The following NDUFA10 variants were observed in gnomAD, a reference collection of about 807,000 sequenced individuals.
The protein encoded by NDUFA10 is NADH:ubiquinone oxidoreductase subunit A10.
In NDUFA10, 40 loss-of-function variants were observed where a neutral mutation model predicts 47.8. The ratio of observed to expected loss-of-function variants is 0.84; its 90% CI spans 0.65 to 1.09. The LOEUF (loss-of-function observed/expected upper bound fraction) is 1.09. Ranked by LOEUF, NDUFA10 falls within the 50% of genes least tolerant of loss-of-function variation. The pLI is 0.00. For missense variants in NDUFA10, 413 were observed against 451.1 expected (o/e 0.92, Z 0.76); for synonymous variants, 183 against 172.2 (o/e 1.06, Z -0.49).
chr2:239,899,448 T>A (rs1693497743), intron 4 of NDUFA10, among the ~76,000 whole-genome samples: 1 of 130,136 alleles, frequency 7.7e-6, no homozygotes, highest in South Asian at 2.6e-4. Flanking sequence ...TGTGGAGGGT[T>A]GTGATGGAGG....
rs754574734 is a variant in NDUFA10, at chr2:239,915,953, CAGAG to C, written c.295-20643_295-20640del. On this transcript the variant is annotated intron_variant, in intron 4 of 5. Transcript: ENST00000419408. The stretch of plus-strand genomic sequence containing the variant: ...ACACAGACAGACACAGAGAGACACA[CAGAG>C]ATACATGGACATACACACACACACA... Among the ~76,000 whole-genome samples the C allele has an allele frequency of 7.0e-3, 900 of 128,508 alleles. 8 individuals are homozygous for C. Among genetic ancestry groups the C allele is most frequent in the Non-Finnish European group, 0.01 (659 of 62,980 alleles). The allele number at this position is 128,508 out of a possible 152,430, so 84.3% of individuals were successfully genotyped here.
chr2:239,997,079 T>C (rs1293443615), intron 8 of NDUFA10, among the ~76,000 whole-genome samples: 1 of 152,092 alleles, frequency 6.6e-6, no homozygotes, highest in Non-Finnish European at 1.5e-5. Flanking sequence ...TTTTATTGGC[T>C]TTTTTCCCAA....
intron 4 of NDUFA10, among the ~76,000 whole-genome samples, chr2:239,907,713 G>T (rs1693680762): frequency 6.6e-6 from 1 of 152,198 alleles, no homozygotes; most frequent in Non-Finnish European, 1.5e-5. Context: ...TCTCACACCA[G>T]TTAGAATGGT....
chr2:239,937,821 G>T (rs1041579202), intron 4 of NDUFA10, among the ~76,000 whole-genome samples: 1 of 152,106 alleles, frequency 6.6e-6, no homozygotes, highest in Non-Finnish European at 1.5e-5. Flanking sequence ...CCTTGTCAAC[G>T]TTGGTTACCA....
intron 1 of NDUFA10, 77 bp from the exon 2 acceptor site, chr2:240,022,417 A>G: frequency 6.3e-7 from 1 of 1,596,400 alleles, no homozygotes; most frequent in Non-Finnish European, 8.5e-7. Context: ...ATTAGGTAAA[A>G]ATACCAAGAA....
chr2:239,896,973 G>A (rs1356919898), intron 4 of NDUFA10, among the ~76,000 whole-genome samples: 1 of 152,190 alleles, frequency 6.6e-6, no homozygotes, highest in Non-Finnish European at 1.5e-5. Flanking sequence ...ATGTATGTGT[G>A]TATGTGTGTG....
chr2:239,941,075 T>C (rs551394987), intron 4 of NDUFA10, among the ~76,000 whole-genome samples: 2 of 152,100 alleles, frequency 1.3e-5, no homozygotes, highest in East Asian at 3.9e-4. Flanking sequence ...GCAAGGTCAC[T>C]ACAAGGTGCA....
intron 9 of NDUFA10, among the ~76,000 whole-genome samples, chr2:239,965,457 G>C (rs986299970): frequency 6.6e-6 from 1 of 152,166 alleles, no homozygotes; most frequent in African/African-American, 2.4e-5. Flanking sequence ...GAGAAAACGC[G>C]CATGATAACG....
intron 3 of NDUFA10, among the ~76,000 whole-genome samples, chr2:240,020,493 T>C (rs1697575917): frequency 6.6e-6 from 1 of 152,192 alleles, no homozygotes; most frequent in Non-Finnish European, 1.5e-5. Flanking sequence ...CCCAGAATGA[T>C]TACAGTAACC....
At chr2:239,932,129 C>T (rs1049204886) in intron 4 of NDUFA10, among the ~76,000 whole-genome samples, 2 of 151,572 alleles carry the variant, frequency 1.3e-5, no homozygotes, top group Non-Finnish European at 2.9e-5. Context: ...CCACCGCGCC[C>T]GGCCTGCACC....
At position 239,999,875 on chromosome 2, in the gene NDUFA10, A is replaced by C. The variant is rs892289162; in HGVS notation, c.890+5335T>G. On this transcript the variant is annotated intron_variant, in intron 8 of 9. Transcript: ENST00000252711. Reference sequence around the variant, plus strand: ...ATGTGACAGGTTCCTGCCGGTTTCCAGTTATGCACAGCATGGCGTTTCCAT... The same window carrying C: ...ATGTGACAGGTTCCTGCCGGTTTCCCGTTATGCACAGCATGGCGTTTCCAT... Among the ~76,000 whole-genome samples the C allele has an allele frequency of 9.2e-5, 14 of 152,198 alleles. 1 individual carries two copies. Among genetic ancestry groups the C allele is most frequent in the Non-Finnish European group, 4.4e-5 (3 of 68,022 alleles).
intron 4 of NDUFA10, among the ~76,000 whole-genome samples, chr2:239,940,239 C>T (rs562769848): frequency 2.0e-5 from 3 of 152,346 alleles, no homozygotes; most frequent in East Asian, 3.9e-4. Flanking sequence ...GTTTTATTTA[C>T]AAAAACAGGT....
intron 4 of NDUFA10, among the ~76,000 whole-genome samples, chr2:239,904,785 A>C (rs565442714): frequency 6.6e-6 from 1 of 152,314 alleles, no homozygotes; most frequent in South Asian, 2.1e-4. Flanking sequence ...TCTGAGGCTG[A>C]AGTCTGAAGT....
chr2:239,994,022 C>G (rs1156764360), intron 8 of NDUFA10, among the ~76,000 whole-genome samples: 1 of 152,124 alleles, frequency 6.6e-6, no homozygotes, highest in Admixed American at 6.5e-5. Flanking sequence ...GGCTCGAGCT[C>G]TCGAGTCATG....
At chr2:240,024,322 T>C (rs143089109) in intron 1 of NDUFA10, among the ~76,000 whole-genome samples, 196 of 152,330 alleles carry the variant, frequency 1.3e-3, no homozygotes, top group African/African-American at 4.6e-3. Context: ...AAGACATAAG[T>C]GAATCTTACA....
In NDUFA10 at chr2:239,959,294, C is replaced by A. The variant is rs1170018534; in HGVS notation, c.*1824G>T. 2 of 985,330 alleles carry A rather than the reference C, an allele frequency of 2.0e-6. No homozygotes were observed. The highest frequency in any genetic ancestry group is 2.3e-4 in the East Asian group (2 of 8,828). The allele number at this position is 985,330 out of a possible 1,614,324, so 61.0% of individuals were successfully genotyped here. Reference sequence around the variant, plus strand: ...CTGCCCCTCACAAGGGCAATCCTGACCACAGGGCAGACCTGCCCTCTCACT... The same window carrying A: ...CTGCCCCTCACAAGGGCAATCCTGAACACAGGGCAGACCTGCCCTCTCACT... On this transcript the variant is annotated 3_prime_UTR_variant, in exon 10 of 10. Coordinates refer to ENST00000252711, the MANE Select transcript of NDUFA10 (RefSeq NM_004544.4).
rs569757648 is a variant in NDUFA10, at chr2:239,957,770, G to A, written c.*3348C>T. 4 of 152,244 alleles carry A rather than the reference G, an allele frequency of 2.6e-5. No individual in the cohort carries two copies. The highest frequency in any genetic ancestry group is 2.1e-4 in the South Asian group (1 of 4,814). 9.4% of individuals were successfully genotyped at this position (152,244 alleles called of 1,614,324 possible). ...GACAAGTCCATCACTGGAGCTCCCCGGCCTCCTGGAATTCAGGTGGCAATG... is the reference window on the plus strand; with the variant it reads ...GACAAGTCCATCACTGGAGCTCCCCAGCCTCCTGGAATTCAGGTGGCAATG... On this transcript the variant is annotated 3_prime_UTR_variant, in exon 10 of 10. Transcript: ENST00000252711.
At position 239,957,857 on chromosome 2, in the gene NDUFA10, C is replaced by G. The variant is rs1429878215; in HGVS notation, c.*3261G>C. The G allele has an allele frequency of 1.3e-5, 2 of 152,238 alleles. No individual in the cohort carries two copies. The highest frequency in any genetic ancestry group is 2.9e-5 in the Non-Finnish European group (2 of 68,050). The allele number at this position is 152,238 out of a possible 1,614,324, so 9.4% of individuals were successfully genotyped here. On this transcript the variant is annotated 3_prime_UTR_variant, in exon 10 of 10. Coordinates refer to ENST00000252711, the MANE Select transcript of NDUFA10 (RefSeq NM_004544.4). ...GGGGAAGGACAGAAAGGCTGGGACCCTCTGCTGAGAAGAGGCTCCTTTTCC... is the reference window on the plus strand; with the variant it reads ...GGGGAAGGACAGAAAGGCTGGGACCGTCTGCTGAGAAGAGGCTCCTTTTCC...
In NDUFA10 at chr2:240,018,586, C is replaced by G; in HGVS notation, c.514G>C (p.Ala172Pro). 6.2e-7 allele frequency: 1 copy of G among 1,614,172 alleles called. No homozygotes were observed. Among genetic ancestry groups the G allele is most frequent in the Non-Finnish European group, 8.5e-7 (1 of 1,180,040 alleles). Residue 172 changes from alanine to proline, a missense_variant, in exon 4 of 10, where the codon GCG becomes CCG. By Grantham distance (27) the Ala-to-Pro change is conservative (BLOSUM62 -1). Coordinates refer to ENST00000252711, the MANE Select transcript of NDUFA10 (RefSeq NM_004544.4). ...SIFSDFVFLE[A>P]MYNQGFIRKQ... The stretch of plus-strand genomic sequence containing the variant: ...CGGATGAATCCCTGGTTGTACATCG[C>G]CTCCAGGAACACAAAGTCACTGAAG...
Sources: gnomAD v4.1 joint callset for allele counts (sites outside exome capture counted in the v4.1 genomes callset) on GRCh38, gnomAD v4.1.1 for gene constraint, MANE v1.5 for transcripts, NCBI Gene and HGNC (gene_info 2026-07-23, HGNC 2026-07-21) for gene names.